The following SLC9B2 variants were observed in gnomAD, a reference collection of about 807,000 sequenced individuals.
SLC9B2 encodes solute carrier family 9 member B2, also known as sodium/hydrogen exchanger 9B2.
A neutral mutation model predicts 52.2 loss-of-function variants in SLC9B2; 39 were observed. The ratio of observed to expected loss-of-function variants is 0.75; its 90% confidence interval spans 0.58 to 0.98. The LOEUF (loss-of-function observed/expected upper bound fraction) is 0.98, where lower values mean the gene tolerates loss of function less well. Among genes scored for constraint, SLC9B2 ranks in the 50% least tolerant of loss-of-function variants. The pLI is 0.00. For synonymous variants in SLC9B2, 214 were observed against 227.0 expected, an observed-to-expected ratio of 0.94 and a Z score of 0.51; for missense variants, 626 against 637.5, an observed-to-expected ratio of 0.98 and a Z score of 0.19.
intron 9 of SLC9B2, among the ~76,000 whole-genome samples, chr4:103,036,223 G>A (rs997619382): frequency 6.6e-6 from 1 of 152,190 alleles, no homozygotes; most frequent in South Asian, 2.1e-4. Flanking sequence ...GTCCTTTGCA[G>A]TGACATCGAT....
At chr4:103,053,547 T>C (rs1744869691) in intron 4 of SLC9B2, among the ~76,000 whole-genome samples, 1 of 152,114 alleles carries the variant, frequency 6.6e-6, no homozygotes, top group Non-Finnish European at 1.5e-5. Context: ...AAAAGACAAA[T>C]GGGGTGTAAT....
At position 103,057,949 on chromosome 4, in the gene SLC9B2, C is replaced by T; in HGVS notation, c.294G>A (p.Trp98Ter). ...TGCCAGTAATTGACCAAACTACAGCCCACAGAAGAACAATGATGGTAACTG... is the reference window on the plus strand; with the variant it reads ...TGCCAGTAATTGACCAAACTACAGCTCACAGAAGAACAATGATGGTAACTG... Reference protein sequence around the residue: ...ITNVTIIVLLWAVVWSITGSE... With the variant: ...ITNVTIIVLL Residue 98 changes from tryptophan to a stop codon, truncating the protein, a stop_gained, in exon 4 of 12, where the codon TGG (tryptophan) becomes TGA (stop). Coordinates refer to ENST00000394785, the MANE Select transcript of SLC9B2 (RefSeq NM_178833.7). LOFTEE classifies it high-confidence loss of function. The T allele has an allele frequency of 6.2e-7, 1 of 1,611,642 alleles. No individual in the cohort carries two copies. Among genetic ancestry groups the T allele is most frequent in the Middle Eastern group, 1.7e-4 (1 of 6,056 alleles).
upstream of SLC9B2, chr4:103,076,771 C>T (rs574179621): frequency 6.6e-6 from 1 of 152,416 alleles, no homozygotes; most frequent in African/African-American, 2.4e-5. Context: ...TGACGAGACA[C>T]CGCGAGAGGA....
At chr4:103,037,478 T>C (rs1300114229) in intron 9 of SLC9B2, among the ~76,000 whole-genome samples, 3 of 152,246 alleles carry the variant, frequency 2.0e-5, no homozygotes, top group African/African-American at 7.2e-5. Context: ...AATGTTTCTT[T>C]GTATTCTTTA....
At chr4:103,028,626 T>G in intron 11 of SLC9B2, 121 bp downstream of exon 11, 1 of 1,250,402 alleles carries the variant, frequency 8.0e-7, no homozygotes, top group Non-Finnish European at 1.1e-6. Flanking sequence ...GGATAAACTC[T>G]TTTCATAAAT....
chr4:103,075,067 A>G (rs1746992509), intron 1 of SLC9B2, among the ~76,000 whole-genome samples: 1 of 152,228 alleles, frequency 6.6e-6, no homozygotes, highest in African/African-American at 2.4e-5. Context: ...AGGATGATAA[A>G]TGATTCCTAA....
At chr4:103,019,429 A>G (rs763536923), downstream of SLC9B2, among the ~76,000 whole-genome samples, 9 of 152,156 alleles carry the variant, frequency 5.9e-5, no homozygotes, top group Non-Finnish European at 1.0e-4. Flanking sequence ...GAGAGGAGAG[A>G]CAATGTCTGT....
intron 9 of SLC9B2, among the ~76,000 whole-genome samples, chr4:103,041,458 A>G (rs1743634685): frequency 6.6e-6 from 1 of 152,206 alleles, no homozygotes; most frequent in Non-Finnish European, 1.5e-5. Flanking sequence ...TTCTCTGAAT[A>G]ACAGTGTAAT....
At chr4:103,033,643 A>G (rs1356636986) in intron 9 of SLC9B2, among the ~76,000 whole-genome samples, 1 of 152,196 alleles carries the variant, frequency 6.6e-6, no homozygotes. Context: ...ATGCACAAAA[A>G]TCATTATTTC....
rs1034720934 is a variant in SLC9B2 at position 103,025,028 on chromosome 4, T to C, written c.*1342A>G. ...TGAATGATGGTAACATCCAACACAG[T>C]GGAAGCTCTGGCCCCGAAAATCTGA... On this transcript the variant is annotated 3_prime_UTR_variant, in exon 12 of 12. Transcript: ENST00000394785. 6.6e-6 allele frequency among the ~76,000 whole-genome samples: 1 copy of C among 152,342 alleles called. No homozygotes were observed. The highest frequency in any genetic ancestry group is 2.1e-4 in the South Asian group (1 of 4,824).
intron 3 of SLC9B2, among the ~76,000 whole-genome samples, chr4:103,064,765 ATG>A (rs1042374284): frequency 6.6e-6 from 1 of 152,048 alleles, no homozygotes. Flanking sequence ...ATGTACAAAT[ATG>A]TGTCAAAAAT....
At chr4:103,063,152 A>G (rs550639456) in intron 3 of SLC9B2, among the ~76,000 whole-genome samples, 1 of 152,352 alleles carries the variant, frequency 6.6e-6, no homozygotes, top group East Asian at 1.9e-4. Flanking sequence ...TTTCATTGTA[A>G]ACGTTTTAAC....
At chr4:103,064,134 C>T (rs1322558801) in intron 3 of SLC9B2, among the ~76,000 whole-genome samples, 1 of 149,086 alleles carries the variant, frequency 6.7e-6, no homozygotes, top group African/African-American at 2.6e-5. Context: ...TCCTGCAATC[C>T]CATTACTGGG....
At chr4:103,019,409 A>C (rs1741619540), downstream of SLC9B2, among the ~76,000 whole-genome samples, 1 of 152,248 alleles carries the variant, frequency 6.6e-6, no homozygotes, top group African/African-American at 2.4e-5. Context: ...GAGTAAGGAA[A>C]GGAGTCACGG....
At chr4:103,033,593 C>G (rs757663243) in intron 9 of SLC9B2, among the ~76,000 whole-genome samples, 2 of 152,098 alleles carry the variant, frequency 1.3e-5, no homozygotes, top group Non-Finnish European at 2.9e-5. Context: ...GCTTCTAGAT[C>G]TTATAAACAA....
intron 11 of SLC9B2, among the ~76,000 whole-genome samples, chr4:103,027,115 G>T (rs1560539611): frequency 1.3e-5 from 2 of 152,074 alleles, no homozygotes; most frequent in Non-Finnish European, 2.9e-5. Context: ...ACTTATCTGT[G>T]TAAGGTAGGG....
intron 10 of SLC9B2, 93 bp downstream of exon 10, chr4:103,031,607 G>A (rs925863353): frequency 5.8e-6 from 5 of 854,716 alleles, no homozygotes; most frequent in Non-Finnish European, 9.4e-6. Flanking sequence ...ACCTGCTGGA[G>A]ATATTTCAAT....
At chr4:103,060,207 C>T (rs1220477465) in intron 3 of SLC9B2, among the ~76,000 whole-genome samples, 5 of 151,584 alleles carry the variant, frequency 3.3e-5, no homozygotes, top group Non-Finnish European at 5.9e-5. Context: ...TTCCATGTTG[C>T]TAACCCTAGT....
At chr4:103,034,137 C>T (rs959308339) in intron 9 of SLC9B2, among the ~76,000 whole-genome samples, 9 of 151,956 alleles carry the variant, frequency 5.9e-5, no homozygotes, top group Non-Finnish European at 8.8e-5. Context: ...GTTAGATAAT[C>T]CAGAAACAAA....
Sources: allele counts gnomAD v4.1 joint callset (sites outside exome capture counted in the v4.1 genomes callset), GRCh38; gene constraint gnomAD v4.1.1; transcripts MANE v1.5; gene names NCBI Gene and HGNC (gene_info 2026-07-23, HGNC 2026-07-21).